NAV3: variants seen among roughly 807,000 people sequenced by gnomAD.
The protein encoded by NAV3 is pore membrane and/or filament interacting like protein 1.
In NAV3, 87 loss-of-function variants were observed where a neutral mutation model predicts 244.7. The observed-to-expected ratio is 0.36, with a 90% confidence interval of 0.30 to 0.42. NAV3 has a LOEUF of 0.42. Among genes scored for constraint, NAV3 ranks in the 20% least tolerant of loss-of-function variants. The pLI, the probability that NAV3 is intolerant of heterozygous loss-of-function variation, is 1.00. For missense variants in NAV3, 2,663 were observed against 2,893.3 expected (o/e 0.92, Z 1.83); for synonymous variants, 1,126 against 1,042.2 (o/e 1.08, Z -1.55).
At chr12:77,818,418 T>C (rs1191074883) in intron 2 of NAV3, among the ~76,000 whole-genome samples, 3 of 152,136 alleles carry the variant, frequency 2.0e-5, no homozygotes, top group Non-Finnish European at 4.4e-5. Context: ...AACAGGGAAA[T>C]TGTTTTTATG....
At chr12:77,731,241 TGGA>T (rs1185366385) in intron 2 of NAV3, among the ~76,000 whole-genome samples, 1 of 151,902 alleles carries the variant, frequency 6.6e-6, no homozygotes, top group Non-Finnish European at 1.5e-5. Flanking sequence ...TCCTGAGTTT[TGGA>T]GGAGAAGGGA....
chr12:77,886,489 G>A (rs1258258276), intron 1 of NAV3, among the ~76,000 whole-genome samples: 1 of 152,092 alleles, frequency 6.6e-6, no homozygotes, highest in Non-Finnish European at 1.5e-5. Context: ...TTCAATAGTT[G>A]TAGATTATTT....
intron 3 of NAV3, among the ~76,000 whole-genome samples, chr12:77,954,490 A>C (rs907449840): frequency 2.6e-5 from 4 of 152,222 alleles, no homozygotes; most frequent in Non-Finnish European, 4.4e-5. Context: ...AAACTATGCT[A>C]TCTCTCTGAG....
chr12:77,788,565 T>C (rs2135936293), intron 2 of NAV3, among the ~76,000 whole-genome samples: 1 of 152,214 alleles, frequency 6.6e-6, no homozygotes, highest in Non-Finnish European at 1.5e-5. Flanking sequence ...ATACTTTGAC[T>C]TAATGAGTTT....
At chr12:78,191,902 A>C (rs2139906645) in intron 34 of NAV3, among the ~76,000 whole-genome samples, 1 of 152,298 alleles carries the variant, frequency 6.6e-6, no homozygotes, top group East Asian at 1.9e-4. Context: ...GGAATAAAAA[A>C]GTGTTTAGAA....
At chr12:77,578,768 C>T (rs1010066639) in intron 2 of NAV3, among the ~76,000 whole-genome samples, 2 of 151,898 alleles carry the variant, frequency 1.3e-5, no homozygotes, top group African/African-American at 4.8e-5. Context: ...TATGGGTGAC[C>T]CACACAAAGA....
intron 3 of NAV3, among the ~76,000 whole-genome samples, chr12:77,957,129 G>T (rs1593111931): frequency 1.3e-5 from 2 of 152,140 alleles, no homozygotes; most frequent in East Asian, 3.8e-4. Flanking sequence ...TCTCCTCGCT[G>T]CTCTACAGAG....
At position 77,968,599 on chromosome 12, in the gene NAV3, C is replaced by A; in HGVS notation, c.568C>A (p.Gln190Lys). Reference protein sequence around the residue: ...SRYKQQQHHQQQYYQSLVELQ... With the variant: ...SRYKQQQHHQKQYYQSLVELQ... ...CTACAAGCAGCAACAACACCATCAA[C>A]AACAGTACTATCAGTCCTTGGTGGA... Residue 190 changes from glutamine to lysine, a missense_variant, in exon 5 of 40, where the codon CAA (glutamine) becomes AAA (lysine). This residue lies in a region of NAV3 where 1,521 missense variants were observed against 1,497.0 expected (regional missense o/e 1.02). Coordinates refer to ENST00000397909, the MANE Select transcript of NAV3 (RefSeq NM_001024383.2). 1.9e-6 allele frequency: 3 copies of A among 1,614,138 alleles called. No individual in the cohort carries two copies. Among genetic ancestry groups the A allele is most frequent in the Middle Eastern group, 1.7e-4 (1 of 6,060 alleles).
intron 2 of NAV3, among the ~76,000 whole-genome samples, chr12:77,691,723 A>G (rs1421198316): frequency 2.6e-5 from 4 of 151,758 alleles, no homozygotes; most frequent in Non-Finnish European, 5.9e-5. Context: ...ATTGCTTTAT[A>G]TTAGATATGC....
intron 3 of NAV3, among the ~76,000 whole-genome samples, chr12:77,944,302 A>G (rs1230777288): frequency 6.6e-6 from 1 of 152,132 alleles, no homozygotes; most frequent in Non-Finnish European, 1.5e-5. Context: ...CAATATAAAT[A>G]CTTTAAAAGA....
chr12:77,675,593 G>C (rs770875378), intron 2 of NAV3, among the ~76,000 whole-genome samples: 1 of 152,140 alleles, frequency 6.6e-6, no homozygotes, highest in Non-Finnish European at 1.5e-5. Flanking sequence ...ATGTAAAACT[G>C]ACCATCACAC....
chr12:78,154,160 A>G lies in NAV3; in HGVS notation c.4786-5043A>G, dbSNP rs573133159. ...TGTGTGTATATATGTATATATATAT[A>G]TACCTTCATAACATACATATATAAA... is the stretch of plus-strand genomic sequence containing the variant. On this transcript the variant is annotated intron_variant, in intron 22 of 39. Coordinates refer to ENST00000397909, the MANE Select transcript of NAV3 (RefSeq NM_001024383.2). Among the ~76,000 whole-genome samples, 404 of 134,798 alleles carry G rather than the reference A, an allele frequency of 3.0e-3. 1 individual carries two copies. Among genetic ancestry groups the G allele is most frequent in the Middle Eastern group, 0.013 (3 of 238 alleles). 88.4% of individuals were successfully genotyped at this position (134,798 alleles called of 152,430 possible).
chr12:77,708,149 A>G lies in NAV3; in HGVS notation c.72+135883A>G, dbSNP rs545331066. ...GTCCTTGCCCATGACTATGTCCTGA[A>G]TGGTATTGCCTAAGTTTTCTTCTAG... On this transcript the variant is annotated intron_variant, in intron 2 of 8. Transcript: ENST00000550042. Among the ~76,000 whole-genome samples the G allele has an allele frequency of 2.0e-5, 3 of 152,308 alleles. No individual in the cohort carries two copies. In the East Asian group the frequency reaches 5.8e-4, roughly 29 times the overall value.
At chr12:78,015,406 T>C (rs1876022790) in intron 8 of NAV3, among the ~76,000 whole-genome samples, 1 of 152,086 alleles carries the variant, frequency 6.6e-6, no homozygotes, top group African/African-American at 2.4e-5. Flanking sequence ...TTTCATGATA[T>C]TGATATATTG....
At chr12:77,949,969 C>CT (rs956044555) in intron 3 of NAV3, among the ~76,000 whole-genome samples, 1 of 152,016 alleles carries the variant, frequency 6.6e-6, no homozygotes, top group African/African-American at 2.4e-5. Context: ...ATTTAAGTTT[C>CT]TTACATGTCT....
intron 1 of NAV3, among the ~76,000 whole-genome samples, chr12:77,881,460 T>A (rs1462599703): frequency 6.6e-6 from 1 of 152,114 alleles, no homozygotes; most frequent in Non-Finnish European, 1.5e-5. Flanking sequence ...TCCCACTGTG[T>A]CACCAAAATT....
intron 5 of NAV3, among the ~76,000 whole-genome samples, chr12:77,993,445 T>C (rs1047772555): frequency 6.6e-6 from 1 of 152,212 alleles, no homozygotes; most frequent in Non-Finnish European, 1.5e-5. Context: ...CTGATATTAT[T>C]ATTACTGAGG....
intron 6 of NAV3, among the ~76,000 whole-genome samples, chr12:77,995,400 G>A (rs544097812): frequency 2.0e-5 from 3 of 152,242 alleles, no homozygotes; most frequent in East Asian, 3.9e-4. Context: ...AAATGATAGT[G>A]CGTTATATAC....
chr12:77,736,455 C>G (rs1281063460), intron 2 of NAV3, among the ~76,000 whole-genome samples: 1 of 152,096 alleles, frequency 6.6e-6, no homozygotes, highest in East Asian at 1.9e-4. Context: ...GTGGTTGTAC[C>G]AGTTGAAAGA....
Sources: gnomAD v4.1 joint callset for allele counts (sites outside exome capture counted in the v4.1 genomes callset) on GRCh38, gnomAD v4.1.1 for gene constraint, gnomAD v4.1.1 regional missense constraint, MANE v1.5 for transcripts, NCBI Gene and HGNC (gene_info 2026-07-23, HGNC 2026-07-21) for gene names.